Variants in PAPPA2 observed in about 807,000 individuals in gnomAD.
The protein encoded by PAPPA2 is pappalysin-2.
PAPPA2 carries 86 observed loss-of-function variants against 176.4 expected under a neutral mutation model. That is an observed-to-expected ratio of 0.49 (90% CI 0.41 to 0.58). PAPPA2 has a LOEUF of 0.58. Among genes scored for constraint, PAPPA2 ranks in the 20% least tolerant of loss-of-function variants. The probability of loss-of-function intolerance (pLI) is 0.00; values close to 1 mark genes in which losing one functional copy is unlikely to be tolerated. For synonymous variants in PAPPA2, 809 were observed against 852.2 expected (o/e 0.95, Z 0.88); for missense variants, 2,073 against 2,256.9 (o/e 0.92, Z 1.65).
At chr1:176,775,241 G>T (rs1396446186) in intron 17 of PAPPA2, among the ~76,000 whole-genome samples, 1 of 151,974 alleles carries the variant, frequency 6.6e-6, no homozygotes. Flanking sequence ...CTACTTATTG[G>T]CAGGTATTCA....
chr1:176,580,616 C>A (rs1053383542), intron 2 of PAPPA2, among the ~76,000 whole-genome samples: 2 of 147,926 alleles, frequency 1.4e-5, no homozygotes, highest in African/African-American at 2.5e-5. Context: ...TATAAGAGTT[C>A]CTTTTTCTCT....
intron 2 of PAPPA2, among the ~76,000 whole-genome samples, chr1:176,585,640 T>A (rs578027468): frequency 2.0e-5 from 3 of 152,148 alleles, no homozygotes; most frequent in Non-Finnish European, 4.4e-5. Context: ...CACTTACTGA[T>A]GTTTCATACA....
chr1:176,826,341 G>T (rs1359531389), intron 21 of PAPPA2, among the ~76,000 whole-genome samples: 1 of 152,206 alleles, frequency 6.6e-6, no homozygotes, highest in East Asian at 1.9e-4. Context: ...GCTTAGCAAG[G>T]ATCAGAGACC....
At chr1:176,623,588 T>C (rs938477855) in intron 3 of PAPPA2, among the ~76,000 whole-genome samples, 3 of 140,224 alleles carry the variant, frequency 2.1e-5, no homozygotes, top group African/African-American at 5.3e-5. Flanking sequence ...CCTTCCTTCC[T>C]TCCTTCCTTC....
In PAPPA2 at chr1:176,843,892, A is replaced by C. The variant is rs1667573070; in HGVS notation, c.*1438A>C. On this transcript the variant is annotated 3_prime_UTR_variant, in exon 23 of 23. Coordinates refer to ENST00000367662, the MANE Select transcript of PAPPA2 (RefSeq NM_020318.3). ...GATTTTGACTTGAGCAAGCCATGGA[A>C]ATGCATGGAGCAAGGGTGACACTCT... 6.6e-6 allele frequency: 1 copy of C among 152,156 alleles called. No homozygotes were observed. Among genetic ancestry groups the C allele is most frequent in the Non-Finnish European group, 1.5e-5 (1 of 68,020 alleles). 9.4% of individuals were successfully genotyped at this position (152,156 alleles called of 1,614,324 possible).
intron 3 of PAPPA2, among the ~76,000 whole-genome samples, chr1:176,638,638 G>A (rs1002324909): frequency 5.3e-5 from 8 of 152,038 alleles, no homozygotes; most frequent in Non-Finnish European, 1.0e-4. Context: ...TAGATGAACA[G>A]GCCGGAGTGC....
At chr1:176,681,944 T>A (rs1391969133) in intron 4 of PAPPA2, among the ~76,000 whole-genome samples, 2 of 152,026 alleles carry the variant, frequency 1.3e-5, no homozygotes, top group Non-Finnish European at 2.9e-5. Context: ...TTGGTACGGG[T>A]AGGACCACTC....
intron 3 of PAPPA2, among the ~76,000 whole-genome samples, chr1:176,645,779 G>A (rs999118094): frequency 2.0e-5 from 3 of 151,434 alleles, no homozygotes; most frequent in African/African-American, 4.8e-5. Flanking sequence ...TGATAAAGCC[G>A]TTTTAGCTGG....
intron 9 of PAPPA2, among the ~76,000 whole-genome samples, chr1:176,703,938 T>G (rs915212724): frequency 1.3e-5 from 2 of 151,840 alleles, no homozygotes; most frequent in Non-Finnish European, 2.9e-5. Flanking sequence ...TTGTTTTCTC[T>G]GTTTTGGTTG....
At chr1:176,465,448 G>A (rs983206894) in intron 1 of PAPPA2, among the ~76,000 whole-genome samples, 2 of 151,430 alleles carry the variant, frequency 1.3e-5, no homozygotes, top group African/African-American at 2.5e-5. Context: ...AGGTGACAAC[G>A]TTTATTTGAT....
intron 2 of PAPPA2, among the ~76,000 whole-genome samples, chr1:176,573,548 C>A (rs1046566102): frequency 6.6e-6 from 1 of 152,176 alleles, no homozygotes; most frequent in Admixed American, 6.5e-5. Context: ...CCAAAAAAAT[C>A]ACGTGTTTAA....
intron 1 of PAPPA2, among the ~76,000 whole-genome samples, chr1:176,481,285 C>CACAT (rs1201415250): frequency 2.4e-4 from 28 of 115,492 alleles, no homozygotes; most frequent in African/African-American, 1.1e-3. Context: ...CACACACACA[C>CACAT]ACACACACAC....
intron 1 of PAPPA2, among the ~76,000 whole-genome samples, chr1:176,506,314 T>C (rs756727779): frequency 8.5e-5 from 13 of 152,112 alleles, no homozygotes; most frequent in South Asian, 2.1e-4. Flanking sequence ...TTTTGCTTAG[T>C]ATTGCTTTGG....
intron 6 of PAPPA2, among the ~76,000 whole-genome samples, chr1:176,694,789 G>A (rs1660288946): frequency 6.6e-6 from 1 of 152,202 alleles, no homozygotes; most frequent in Admixed American, 6.5e-5. Flanking sequence ...TTCACAGAGG[G>A]ACTGCTGGGT....
chr1:176,724,152 G>A (rs1486473855), intron 12 of PAPPA2, among the ~76,000 whole-genome samples: 1 of 152,204 alleles, frequency 6.6e-6, no homozygotes, highest in African/African-American at 2.4e-5. Context: ...GTGACAGACA[G>A]AAACATAGCA....
chr1:176,586,745 A>G (rs949064193), intron 2 of PAPPA2, among the ~76,000 whole-genome samples: 21 of 152,224 alleles, frequency 1.4e-4, no homozygotes, highest in African/African-American at 5.1e-4. Flanking sequence ...TAGTGCTGCA[A>G]TAAATATATG....
At chr1:176,799,713 A>C (rs546238053) in intron 20 of PAPPA2, among the ~76,000 whole-genome samples, 1 of 152,346 alleles carries the variant, frequency 6.6e-6, no homozygotes, top group Admixed American at 6.5e-5. Flanking sequence ...ATTTCAAAAT[A>C]AGTGGAACTA....
intron 12 of PAPPA2, among the ~76,000 whole-genome samples, chr1:176,732,697 AC>A (rs1662218175): frequency 6.6e-6 from 1 of 152,200 alleles, no homozygotes; most frequent in Admixed American, 6.5e-5. Context: ...CTGCATTTTC[AC>A]AAGATCCTCA....
intron 2 of PAPPA2, among the ~76,000 whole-genome samples, chr1:176,580,239 A>G (rs1272811969): frequency 6.6e-6 from 1 of 152,232 alleles, no homozygotes; most frequent in Non-Finnish European, 1.5e-5. Context: ...AAGCTTCTGC[A>G]TATGAATGAG....
Sources: allele counts gnomAD v4.1 joint callset (sites outside exome capture counted in the v4.1 genomes callset), GRCh38; gene constraint gnomAD v4.1.1; transcripts MANE v1.5; gene names NCBI Gene and HGNC (gene_info 2026-07-23, HGNC 2026-07-21).